The following METAP1 variants were observed in gnomAD, a reference collection of about 807,000 sequenced individuals.
METAP1 encodes methionine aminopeptidase 1.
METAP1 carries 28 observed loss-of-function variants against 53.8 expected under a neutral mutation model. That is an observed-to-expected ratio of 0.52 (90% CI 0.39 to 0.71). The LOEUF (loss-of-function observed/expected upper bound fraction) is 0.71. Ranked by LOEUF, METAP1 falls within the 30% of genes least tolerant of loss-of-function variation. The pLI is 0.00. For synonymous variants in METAP1, 181 were observed against 165.7 expected, an observed-to-expected ratio of 1.09 and a Z score of -0.71; for missense variants, 389 against 479.8, an observed-to-expected ratio of 0.81 and a Z score of 1.77.
intron 1 of METAP1, among the ~76,000 whole-genome samples, chr4:99,005,399 A>G (rs191680225): frequency 1.2e-4 from 19 of 152,366 alleles, no homozygotes; most frequent in African/African-American, 4.3e-4. Flanking sequence ...GTCACTAATC[A>G]TCAGGGAAAT....
intron 8 of METAP1, among the ~76,000 whole-genome samples, chr4:99,048,260 G>C (rs772317508): frequency 1.8e-4 from 27 of 152,208 alleles, no homozygotes; most frequent in Non-Finnish European, 3.4e-4. Flanking sequence ...GTTTGAATTA[G>C]AACTTTACCA....
chr4:99,022,629 G>A (rs1724210443), intron 1 of METAP1: 2 of 802,946 alleles, frequency 2.5e-6, no homozygotes, highest in Admixed American at 2.2e-5. Flanking sequence ...GGTGCTGCCT[G>A]TGTGCACACC....
In METAP1 at chr4:99,058,283, G is replaced by A. The variant is rs115662987; in HGVS notation, c.997+465G>A. Among the ~76,000 whole-genome samples, 1,113 of 152,316 alleles carry A rather than the reference G, an allele frequency of 7.3e-3. 16 individuals carry two copies. Among genetic ancestry groups the A allele is most frequent in the African/African-American group, 0.026 (1,072 of 41,562 alleles). ...ACTAGGAAACTGGTCCTTGAAGAGGGTGGGTAGCTTGCCTGTAACTTAGCT... is the reference window on the plus strand; with the variant it reads ...ACTAGGAAACTGGTCCTTGAAGAGGATGGGTAGCTTGCCTGTAACTTAGCT... On this transcript the variant is annotated intron_variant, in intron 10 of 10. Coordinates refer to ENST00000296411, the MANE Select transcript of METAP1 (RefSeq NM_015143.3).
chr4:99,015,665 A>T (rs1041239899), intron 1 of METAP1, among the ~76,000 whole-genome samples: 1 of 152,158 alleles, frequency 6.6e-6, no homozygotes, highest in African/African-American at 2.4e-5. Flanking sequence ...GATCGCATCT[A>T]TGGGAGTGAG....
intron 6 of METAP1, among the ~76,000 whole-genome samples, chr4:99,041,568 A>G (rs1164492644): frequency 6.6e-6 from 1 of 152,040 alleles, no homozygotes; most frequent in African/African-American, 2.4e-5. Context: ...AAAATAAATA[A>G]ATAAAGATTG....
At chr4:98,997,187 C>T (rs1464709611) in intron 1 of METAP1, among the ~76,000 whole-genome samples, 1 of 152,164 alleles carries the variant, frequency 6.6e-6, no homozygotes. Flanking sequence ...TGTTTTCCAA[C>T]ATAAAACATA....
chr4:99,035,025 A>G (rs1725327603), intron 3 of METAP1, among the ~76,000 whole-genome samples: 2 of 152,200 alleles, frequency 1.3e-5, no homozygotes, highest in Admixed American at 1.3e-4. Flanking sequence ...AAATAGGAAA[A>G]GCATAACAAA....
At chr4:99,054,688 C>G (rs553700340) in intron 9 of METAP1, among the ~76,000 whole-genome samples, 1 of 152,260 alleles carries the variant, frequency 6.6e-6, no homozygotes, top group South Asian at 2.1e-4. Context: ...GCTTTTGATT[C>G]AAAGTGAGAG....
intron 2 of METAP1, 88 bp downstream of exon 2, chr4:99,029,006 A>G (rs1031042399): frequency 2.3e-5 from 20 of 870,578 alleles, no homozygotes; most frequent in African/African-American, 5.1e-5. Flanking sequence ...CTGAAAGTGT[A>G]TATTTGAATG....
intron 9 of METAP1, 91 bp downstream of exon 9, chr4:99,048,967 A>T: frequency 1.4e-6 from 2 of 1,403,026 alleles, no homozygotes; most frequent in Non-Finnish European, 2.0e-6. Context: ...TTTTGTATTC[A>T]CTAGAGTAAT....
chr4:99,060,103 T>C (rs1727434895), intron 10 of METAP1, among the ~76,000 whole-genome samples: 1 of 148,252 alleles, frequency 6.7e-6, no homozygotes, highest in South Asian at 2.1e-4. Context: ...TTTTTCTGAT[T>C]TTTTAATTGT....
chr4:99,050,750 A>T (rs62325204), intron 9 of METAP1, among the ~76,000 whole-genome samples: 3,339 of 152,236 alleles, frequency 0.022, 47 homozygotes, highest in Non-Finnish European at 0.035. Flanking sequence ...CGCACTCCGT[A>T]TGAGAGAATC....
intron 1 of METAP1, among the ~76,000 whole-genome samples, chr4:99,028,603 C>T (rs1724751866): frequency 6.6e-6 from 1 of 152,108 alleles, no homozygotes; most frequent in African/African-American, 2.4e-5. Flanking sequence ...AGTTTGTTGA[C>T]ATAAAATTGA....
intron 2 of METAP1, chr4:99,031,500 G>A: frequency 7.8e-7 from 1 of 1,287,486 alleles, no homozygotes; most frequent in South Asian, 1.2e-5. Context: ...CTGATTTTTG[G>A]ATTACAGAGA....
chr4:99,060,306 C>G (rs1290048038), intron 10 of METAP1, among the ~76,000 whole-genome samples: 1 of 151,502 alleles, frequency 6.6e-6, no homozygotes, highest in Non-Finnish European at 1.5e-5. Context: ...TTTCTATCTC[C>G]ATGATTTTGA....
Position 99,000,891 on chromosome 4 carries a change from G to A in METAP1, c.114+5024G>A, listed in dbSNP as rs111836923. Among the ~76,000 whole-genome samples, 222 of 152,206 alleles carry A rather than the reference G, an allele frequency of 1.5e-3. 1 individual carries two copies. The highest frequency in any genetic ancestry group is 2.9e-3 in the Non-Finnish European group (195 of 67,998). On this transcript the variant is annotated intron_variant, in intron 1 of 10. Transcript: ENST00000296411. ...GCTAATTTTTTGTGTTTTTGGTAGA[G>A]ACGGGGTTTCACCGTGTTGCCCAGG...
At chr4:99,007,988 AG>A (rs987183406) in intron 1 of METAP1, among the ~76,000 whole-genome samples, 1 of 152,190 alleles carries the variant, frequency 6.6e-6, no homozygotes, top group Non-Finnish European at 1.5e-5. Context: ...CTTTAGAAGA[AG>A]GGGTAGTGAC....
chr4:99,016,447 A>G (rs565868986), intron 1 of METAP1, among the ~76,000 whole-genome samples: 107 of 152,258 alleles, frequency 7.0e-4, no homozygotes, highest in African/African-American at 2.2e-3. Context: ...TTCCCATTCT[A>G]TGTCCAGCAC....
chr4:99,032,466 A>G (rs577923937), intron 2 of METAP1, among the ~76,000 whole-genome samples: 1 of 152,196 alleles, frequency 6.6e-6, no homozygotes, highest in African/African-American at 2.4e-5. Flanking sequence ...TTCTGAGCTC[A>G]AGCAGTCCAC....
Sources: gnomAD v4.1 joint callset for allele counts (sites outside exome capture counted in the v4.1 genomes callset) on GRCh38, gnomAD v4.1.1 for gene constraint, MANE v1.5 for transcripts, NCBI Gene and HGNC (gene_info 2026-07-23, HGNC 2026-07-21) for gene names.